Variants in USP34 observed in about 807,000 individuals in gnomAD.
The protein encoded by USP34 is ubiquitin carboxyl-terminal hydrolase 34.
USP34 carries 70 observed loss-of-function variants against 460.3 expected under a neutral mutation model. The ratio of observed to expected loss-of-function variants is 0.15; its 90% CI spans 0.13 to 0.19. The LOEUF is 0.19. Ranked by LOEUF, USP34 falls within the 10% of genes least tolerant of loss-of-function variation. The probability of loss-of-function intolerance (pLI) is 1.00; values close to 1 mark genes in which losing one functional copy is unlikely to be tolerated. For missense variants in USP34, 3,985 were observed against 4,236.2 expected (o/e 0.94, Z 1.65); for synonymous variants, 1,647 against 1,405.3 (o/e 1.17, Z -3.85).
intron 1 of USP34, among the ~76,000 whole-genome samples, chr2:61,446,669 G>C (rs1695126569): frequency 6.6e-6 from 1 of 151,776 alleles, no homozygotes; most frequent in Non-Finnish European, 1.5e-5. Context: ...AGTGGTATGT[G>C]CCTGTAATCT....
chr2:61,192,992 AAAG>A lies in USP34; in HGVS notation c.9509-15_9509-13del. On this transcript the variant is annotated splice_polypyrimidine_tract_variant and intron_variant, in intron 75 of 79. Transcript: ENST00000398571. ...GGCAACTAGGACACCTAATATTTGA[AAAG>A]AAATCAGAATAGGTTATAATTATAA... The A allele has an allele frequency of 6.2e-7, 1 of 1,606,360 alleles. No individual in the cohort carries two copies. The highest frequency in any genetic ancestry group is 8.5e-7 in the Non-Finnish European group (1 of 1,173,696).
intron 5 of USP34, among the ~76,000 whole-genome samples, chr2:61,386,356 G>A (rs1297766681): frequency 6.6e-6 from 1 of 152,110 alleles, no homozygotes; most frequent in Non-Finnish European, 1.5e-5. Flanking sequence ...CTGGATATCT[G>A]TATGAAAAAG....
intron 1 of USP34, among the ~76,000 whole-genome samples, chr2:61,449,368 G>C (rs2104055725): frequency 6.6e-6 from 1 of 151,840 alleles, no homozygotes; most frequent in South Asian, 2.1e-4. Context: ...ATATTGTTAA[G>C]ATAGTAATAA....
At chr2:61,408,208 T>C (rs955789731) in intron 2 of USP34, among the ~76,000 whole-genome samples, 5 of 152,082 alleles carry the variant, frequency 3.3e-5, no homozygotes, top group African/African-American at 1.2e-4. Flanking sequence ...CAGCCCCACA[T>C]GAGCTTTTTA....
intron 10 of USP34, among the ~76,000 whole-genome samples, chr2:61,365,002 C>G (rs1335068361): frequency 6.6e-6 from 1 of 150,724 alleles, no homozygotes; most frequent in East Asian, 1.9e-4. Context: ...GCCTATAATC[C>G]CAGCAATTTG....
Position 61,283,586 on chromosome 2 carries a change from AGAGT to A in USP34, c.4833-141_4833-138del, listed in dbSNP as rs546022731. On this transcript the variant is annotated intron_variant, in intron 35 of 79. Coordinates refer to ENST00000398571, the MANE Select transcript of USP34 (RefSeq NM_014709.4). Reference sequence around the variant, plus strand: ...AGCAGTGGGTGTGTGAGTGAGAGTGAGAGTGAGAGTGAGAGAGAGTGTGAGTGTG... The same window carrying A: ...AGCAGTGGGTGTGTGAGTGAGAGTGAGAGAGTGAGAGAGAGTGTGAGTGTG... 7.6e-4 allele frequency: 555 copies of A among 728,206 alleles called. 2 individuals are homozygous for A. In the African/African-American group the frequency reaches 8.2e-3, roughly 11 times the overall value. 45.1% of individuals were successfully genotyped at this position (728,206 alleles called of 1,614,324 possible).
intron 67 of USP34, 25 bp from the exon 68 acceptor site, chr2:61,214,719 C>G: frequency 6.2e-7 from 1 of 1,609,638 alleles, no homozygotes; most frequent in Non-Finnish European, 8.5e-7. Flanking sequence ...ACAAAACTGT[C>G]AGATCCTTGT....
intron 2 of USP34, among the ~76,000 whole-genome samples, chr2:61,418,201 T>C (rs1694255110): frequency 6.6e-6 from 1 of 151,848 alleles, no homozygotes; most frequent in African/African-American, 2.4e-5. Context: ...TGCCTCAGCC[T>C]CCCGAGTAGC....
intron 75 of USP34, among the ~76,000 whole-genome samples, chr2:61,194,749 AAT>A (rs1402791617): frequency 6.6e-6 from 1 of 152,150 alleles, no homozygotes; most frequent in East Asian, 1.9e-4. Context: ...TGAGGTCAGG[AAT>A]TCGCAACCAG....
intron 1 of USP34, among the ~76,000 whole-genome samples, chr2:61,442,113 C>A (rs2421203): frequency 0.63 from 95,273 of 151,890 alleles, 29,929 homozygotes; most frequent in Middle Eastern, 0.69. Flanking sequence ...TCTACATAAA[C>A]AATCAACTCA....
rs753459868 is a variant in USP34 at position 61,401,244 on chromosome 2, G to A, written c.552+4464C>T. Among the ~76,000 whole-genome samples the A allele has an allele frequency of 2.0e-5, 3 of 151,348 alleles. No individual in the cohort carries two copies. The East Asian group carries it at 5.8e-4, about 29-fold the overall frequency. On this transcript the variant is annotated intron_variant, in intron 3 of 79. Transcript: ENST00000398571. ...TACGTATATTTAACATAAATGCAGT[G>A]GTTTCTCTCCTTTCTACTTTTTTAA...
At chr2:61,343,114 T>C (rs758492200) in intron 16 of USP34, among the ~76,000 whole-genome samples, 3 of 152,276 alleles carry the variant, frequency 2.0e-5, no homozygotes, top group Non-Finnish European at 4.4e-5. Context: ...GGTTTACTTA[T>C]AATGTACTGG....
chr2:61,307,080 G>A (rs915621891), intron 27 of USP34, among the ~76,000 whole-genome samples: 1 of 152,074 alleles, frequency 6.6e-6, no homozygotes, highest in African/African-American at 2.4e-5. Context: ...GTCCATCAAT[G>A]ATAGACTGGA....
intron 33 of USP34, among the ~76,000 whole-genome samples, chr2:61,291,475 G>A (rs986732167): frequency 6.6e-6 from 1 of 152,100 alleles, no homozygotes; most frequent in African/African-American, 2.4e-5. Flanking sequence ...ATTGATAATA[G>A]CCCCAAACTG....
intron 8 of USP34, among the ~76,000 whole-genome samples, chr2:61,374,176 A>AAAC (rs1193864979): frequency 7.3e-5 from 11 of 151,602 alleles, no homozygotes; most frequent in Non-Finnish European, 1.6e-4. Flanking sequence ...AAAAAAAAAA[A>AAAC]AACAGAGAAA....
intron 70 of USP34, 109 bp from the exon 71 acceptor site, chr2:61,206,995 GTGCACATGTGTGCAAAGCAAACGTATT>G: frequency 8.7e-7 from 1 of 1,146,862 alleles, no homozygotes; most frequent in South Asian, 1.6e-5. Context: ...CAGACTGTGT[GTGCACATGTGTGCAAAGCAAACGTATT>G]TGCTTTCTAT....
rs1303442198 is a variant in USP34 at position 61,229,531 on chromosome 2, C to T, written c.7199+17G>A. On this transcript the variant is annotated intron_variant, in intron 59 of 79. Coordinates refer to ENST00000398571, the MANE Select transcript of USP34 (RefSeq NM_014709.4). ...CACAACACAGACACACAAACTTATT[C>T]AAAAAGTACTTCTTACCCATCTTCC... is the stretch of plus-strand genomic sequence containing the variant. The T allele has an allele frequency of 2.6e-6, 4 of 1,511,390 alleles. No homozygotes were observed. The highest frequency in any genetic ancestry group is 3.6e-6 in the Non-Finnish European group (4 of 1,108,234). 93.6% of individuals were successfully genotyped at this position (1,511,390 alleles called of 1,614,324 possible). A position where few individuals can be genotyped will look rare whatever the true frequency, so the allele number is the denominator to read the frequency against.
intron 27 of USP34, among the ~76,000 whole-genome samples, chr2:61,302,238 C>T (rs1690251139): frequency 6.6e-6 from 1 of 152,126 alleles, no homozygotes; most frequent in Admixed American, 6.5e-5. Context: ...AGAAAAACTC[C>T]ACTGAACAGA....
intron 1 of USP34, among the ~76,000 whole-genome samples, chr2:61,437,774 A>AAAATAAATAAATGAAT (rs1553391326): frequency 1.9e-3 from 257 of 134,562 alleles, no homozygotes; most frequent in African/African-American, 6.9e-3. Flanking sequence ...CTCCGTCTCA[A>AAAATAAATAAATGAAT]AAATAAATAA....
Sources: gnomAD v4.1 joint callset for allele counts (sites outside exome capture counted in the v4.1 genomes callset) on GRCh38, gnomAD v4.1.1 for gene constraint, MANE v1.5 for transcripts, NCBI Gene and HGNC (gene_info 2026-07-23, HGNC 2026-07-21) for gene names.